SUN1: variants seen among roughly 807,000 people sequenced by gnomAD.
SUN1 encodes SUN domain-containing protein 1.
A neutral mutation model predicts 103.2 loss-of-function variants in SUN1; 61 were observed. The ratio of observed to expected loss-of-function variants is 0.59; its 90% CI spans 0.48 to 0.73. SUN1 has a LOEUF of 0.73. Among genes scored for constraint, SUN1 ranks in the 30% least tolerant of loss-of-function variants. SUN1 has a pLI of 0.00. For missense variants in SUN1, 1,052 were observed against 1,034.6 expected (o/e 1.02, Z -0.23); for synonymous variants, 490 against 425.7 (o/e 1.15, Z -1.86).
chr7:869,223 G>T, intron 16 of SUN1, 126 bp from the exon 17 acceptor site: 6 of 1,133,372 alleles, frequency 5.3e-6, no homozygotes, highest in East Asian at 2.6e-5. Flanking sequence ...TTCGGATTTT[G>T]CTCATGGCAG....
At chr7:849,447 C>A in intron 5 of SUN1, 1 of 1,150,908 alleles carries the variant, frequency 8.7e-7, no homozygotes, top group Non-Finnish European at 1.2e-6. Context: ...ATCATGTTGA[C>A]TTCATCAGGG....
At chr7:845,381 T>A (rs987320780) in intron 5 of SUN1, among the ~76,000 whole-genome samples, 3 of 152,236 alleles carry the variant, frequency 2.0e-5, no homozygotes, top group Non-Finnish European at 4.4e-5. Context: ...GCGGGGTTTC[T>A]GGGCTTCACG....
intron 5 of SUN1, among the ~76,000 whole-genome samples, chr7:848,974 G>A (rs775216549): frequency 2.6e-5 from 4 of 152,046 alleles, no homozygotes; most frequent in African/African-American, 4.8e-5. Flanking sequence ...TTTTTGAGAC[G>A]GAGTTTCACT....
intron 5 of SUN1, among the ~76,000 whole-genome samples, chr7:845,676 G>A (rs1030709549): frequency 4.6e-5 from 7 of 152,066 alleles, no homozygotes; most frequent in African/African-American, 1.2e-4. Flanking sequence ...CATTTTGTTT[G>A]TTTTTGTTTT....
At chr7:842,160 G>C (rs780135142) in intron 3 of SUN1, 30 bp downstream of exon 3, 17 of 1,600,512 alleles carry the variant, frequency 1.1e-5, no homozygotes, top group Middle Eastern at 1.7e-4. Flanking sequence ...AGATTGTCCC[G>C]CCTACAGTTG....
chr7:854,823 A>G (rs775929403), intron 10 of SUN1, 97 bp from the exon 11 acceptor site: 2 of 799,026 alleles, frequency 2.5e-6, no homozygotes, highest in South Asian at 1.6e-5. Context: ...AGATTCTCTG[A>G]TTGTCGGTAT....
At position 853,467 on chromosome 7, in the gene SUN1, C is replaced by T. The variant is rs779987779; in HGVS notation, c.1112C>T (p.Ser371Phe). 6 of 1,613,968 alleles carry T rather than the reference C, an allele frequency of 3.7e-6. No homozygotes were observed. Among genetic ancestry groups the T allele is most frequent in the African/African-American group, 1.3e-5 (1 of 74,940 alleles). Reference protein sequence around the residue: ...WMSGVEQQVASLSGQCHHHGE... With the variant: ...WMSGVEQQVAFLSGQCHHHGE... ...AGTGGCGTGGAGCAGCAGGTGGCCT[C>T]TCTGTCTGGACAGTGCCACCACCAT... Residue 371 changes from serine (S) to phenylalanine (F), a missense_variant, in exon 10 of 19, where the codon TCT (serine) becomes TTT (phenylalanine). Physicochemically the swap from Ser to Phe is radical, Grantham distance 155. Coordinates refer to ENST00000401592, the MANE Select transcript of SUN1 (RefSeq NM_001130965.3).
rs895813039 is a variant in SUN1, at chr7:857,850, C to G, written c.1417C>G (p.Pro473Ala). 5.0e-6 allele frequency: 8 copies of G among 1,591,300 alleles called. No homozygotes were observed. The Admixed American group carries it at 1.2e-4, about 24-fold the overall frequency. The change falls in exon 13 of 19, where the codon CCC (proline) becomes GCC (alanine). Residue 473 changes from proline to alanine, a missense_variant. Coordinates refer to ENST00000401592, the MANE Select transcript of SUN1 (RefSeq NM_001130965.3). ...CAGTGCGGTTGGTGAGCAGCTCCTGCCCACAGTCGAGCACCTCCAGCTGGA... is the reference window on the plus strand; with the variant it reads ...CAGTGCGGTTGGTGAGCAGCTCCTGGCCACAGTCGAGCACCTCCAGCTGGA... ...TISAVGEQLL[P>A]TVEHLQLELD...
intron 1 of SUN1, among the ~76,000 whole-genome samples, chr7:833,456 G>T (rs747613207): frequency 6.6e-6 from 1 of 151,960 alleles, no homozygotes; most frequent in Non-Finnish European, 1.5e-5. Context: ...GATTACAGAC[G>T]TGCGCCACCA....
chr7:855,728 C>T (rs1244108136), intron 11 of SUN1, among the ~76,000 whole-genome samples: 1 of 152,194 alleles, frequency 6.6e-6, no homozygotes, highest in Non-Finnish European at 1.5e-5. Context: ...ATGTACCCGC[C>T]TGCGAGGGTC....
intron 2 of SUN1, among the ~76,000 whole-genome samples, chr7:841,028 G>T (rs1294826271): frequency 7.9e-5 from 12 of 151,824 alleles, no homozygotes; most frequent in Admixed American, 7.9e-4. Context: ...CTGCCTTCCA[G>T]GTTCAAGCGA....
intron 1 of SUN1, among the ~76,000 whole-genome samples, chr7:835,226 G>A (rs796884295): frequency 5.9e-5 from 9 of 152,342 alleles, no homozygotes; most frequent in African/African-American, 1.7e-4. Flanking sequence ...GAGCCTCTGC[G>A]ACTGGTGCTT....
chr7:828,096 G>A (rs544869706), upstream of SUN1, among the ~76,000 whole-genome samples: 3 of 151,012 alleles, frequency 2.0e-5, no homozygotes, highest in Non-Finnish European at 2.9e-5. Context: ...TAGAGGGGTG[G>A]TTTCACCATG....
At chr7:860,792 T>C (rs1038323815) in intron 14 of SUN1, among the ~76,000 whole-genome samples, 1 of 152,102 alleles carries the variant, frequency 6.6e-6, no homozygotes, top group African/African-American at 2.4e-5. Context: ...CTCACAGTCA[T>C]GGGGGAAGGT....
At chr7:817,100 C>T (rs892037905) in intron 1 of SUN1, among the ~76,000 whole-genome samples, 4 of 151,930 alleles carry the variant, frequency 2.6e-5, no homozygotes, top group Non-Finnish European at 5.9e-5. Context: ...CTGGAAGTAG[C>T]GGCGGGGCCG....
chr7:869,301 G>A, intron 16 of SUN1, 48 bp from the exon 17 acceptor site: 1 of 1,584,574 alleles, frequency 6.3e-7, no homozygotes, highest in Non-Finnish European at 8.6e-7. Context: ...TGCTAAGTGG[G>A]TAAGAGCATG....
upstream of SUN1, among the ~76,000 whole-genome samples, chr7:829,743 A>G (rs1412333701): frequency 6.6e-6 from 1 of 151,916 alleles, no homozygotes; most frequent in African/African-American, 2.4e-5. Flanking sequence ...TTTAGTAAAG[A>G]CGGTGTTTCA....
At position 872,550 on chromosome 7, in the gene SUN1, G is replaced by A. The variant is rs746448753; in HGVS notation, c.2229G>A (p.Met743Ile). The change falls in exon 18 of 19, where the codon ATG becomes ATA. Residue 743 changes from methionine (M) to isoleucine (I), a missense_variant. Met to Ile is a conservative substitution (Grantham distance 10). Coordinates refer to ENST00000401592, the MANE Select transcript of SUN1 (RefSeq NM_001130965.3). The part of the protein sequence containing the change: ...TYDQDGESLQ[M>I]FQALKRPDDT... Reference sequence around the variant, plus strand: ...ATCAGGATGGGGAGTCGCTCCAGATGTTCCAGGCCCTGGTAAGAACTGGGA... The same window carrying A: ...ATCAGGATGGGGAGTCGCTCCAGATATTCCAGGCCCTGGTAAGAACTGGGA... 1.3e-6 allele frequency: 2 copies of A among 1,589,568 alleles called. No homozygotes were observed. The highest frequency in any genetic ancestry group is 2.3e-5 in the South Asian group (2 of 87,002).
intron 10 of SUN1, among the ~76,000 whole-genome samples, chr7:854,018 C>G (rs544319272): frequency 7.5e-4 from 114 of 152,324 alleles, no homozygotes; most frequent in African/African-American, 2.6e-3. Flanking sequence ...CCCAGACGCA[C>G]TTCTCGGAGG....
Sources: gnomAD v4.1 joint callset for allele counts (sites outside exome capture counted in the v4.1 genomes callset) on GRCh38, gnomAD v4.1.1 for gene constraint, MANE v1.5 for transcripts, NCBI Gene and HGNC (gene_info 2026-07-23, HGNC 2026-07-21) for gene names.